STAM: variants seen among roughly 807,000 people sequenced by gnomAD.
STAM encodes signal transducing adaptor molecule.
In STAM, 16 loss-of-function variants were observed where a neutral mutation model predicts 63.4. That is an observed-to-expected ratio of 0.25 (90% confidence interval 0.17 to 0.38). The LOEUF (loss-of-function observed/expected upper bound fraction) is 0.38. STAM is among the 10% of genes least tolerant of loss of function. STAM has a pLI of 1.00. For synonymous variants in STAM, 238 were observed against 223.9 expected, an observed-to-expected ratio of 1.06 and a Z score of -0.56; for missense variants, 636 against 657.1, an observed-to-expected ratio of 0.97 and a Z score of 0.35.
intron 1 of STAM, among the ~76,000 whole-genome samples, chr10:17,658,028 C>T (rs936007849): frequency 6.6e-6 from 1 of 151,900 alleles, no homozygotes; most frequent in Non-Finnish European, 1.5e-5. Context: ...ATTTAATTTG[C>T]TCTTCTAGTT....
At chr10:17,677,873 G>T (rs11254721) in intron 2 of STAM, among the ~76,000 whole-genome samples, 6 of 151,934 alleles carry the variant, frequency 3.9e-5, no homozygotes, top group East Asian at 3.9e-4. Context: ...GGATTTTTTT[G>T]TATTTATTAC....
At chr10:17,685,023 T>C in intron 4 of STAM, 96 bp downstream of exon 4, 3 of 966,586 alleles carry the variant, frequency 3.1e-6, no homozygotes, top group Non-Finnish European at 4.6e-6. Context: ...CTGTGCTTTT[T>C]AAGAAATCCT....
At chr10:17,684,980 A>G (rs1835236513) in intron 4 of STAM, 53 bp downstream of exon 4, 1 of 1,449,228 alleles carries the variant, frequency 6.9e-7, no homozygotes, top group South Asian at 1.2e-5. Flanking sequence ...TTCTTCACAT[A>G]TTTTATTGTT....
chr10:17,689,093 A>G (rs1835422566), intron 5 of STAM, among the ~76,000 whole-genome samples: 1 of 152,218 alleles, frequency 6.6e-6, no homozygotes, highest in Non-Finnish European at 1.5e-5. Context: ...CCTTGTGCCA[A>G]AAAAATTCAG....
chr10:17,649,083 G>A (rs905288015), intron 1 of STAM, among the ~76,000 whole-genome samples: 7 of 152,152 alleles, frequency 4.6e-5, no homozygotes, highest in South Asian at 4.1e-4. Flanking sequence ...TTTCTGAGAC[G>A]CTTTACCTAA....
chr10:17,666,388 T>A (rs1258828310), intron 2 of STAM, among the ~76,000 whole-genome samples: 1 of 42,784 alleles, frequency 2.3e-5, no homozygotes, highest in African/African-American at 7.6e-5. Context: ...TGGCTTTGTA[T>A]TTTTTTTTTT....
intron 11 of STAM, 103 bp downstream of exon 11, chr10:17,705,127 G>A (rs1589109088): frequency 3.3e-6 from 3 of 913,042 alleles, no homozygotes; most frequent in Non-Finnish European, 3.5e-6. Context: ...AAATATTGTG[G>A]AGGAACCAAC....
intron 5 of STAM, among the ~76,000 whole-genome samples, chr10:17,691,259 C>A (rs1055096004): frequency 1.2e-4 from 19 of 152,296 alleles, no homozygotes; most frequent in African/African-American, 4.6e-4. Context: ...TGGCTCACGC[C>A]TGTAATCCTA....
intron 1 of STAM, among the ~76,000 whole-genome samples, chr10:17,644,902 G>T (rs782286567): frequency 5.3e-5 from 8 of 152,162 alleles, no homozygotes; most frequent in Non-Finnish European, 1.2e-4. Flanking sequence ...TGTTAGGAGC[G>T]ATGAAGATGA....
chr10:17,657,789 G>A (rs1040581124), intron 1 of STAM, among the ~76,000 whole-genome samples: 2 of 151,172 alleles, frequency 1.3e-5, no homozygotes, highest in African/African-American at 2.4e-5. Context: ...TAATGTCCAT[G>A]GGGTTTGTAG....
At chr10:17,664,191 A>T (rs1395459267) in intron 2 of STAM, among the ~76,000 whole-genome samples, 1 of 152,138 alleles carries the variant, frequency 6.6e-6, no homozygotes, top group Non-Finnish European at 1.5e-5. Flanking sequence ...ACTTAGTAAT[A>T]GAAAATTTTA....
At chr10:17,648,217 A>T (rs1249075106) in intron 1 of STAM, among the ~76,000 whole-genome samples, 1 of 152,200 alleles carries the variant, frequency 6.6e-6, no homozygotes, top group Non-Finnish European at 1.5e-5. Flanking sequence ...TTTCGGTCTT[A>T]CAAGGGGATT....
intron 2 of STAM, among the ~76,000 whole-genome samples, chr10:17,665,699 G>A (rs1194318272): frequency 6.6e-6 from 1 of 151,722 alleles, no homozygotes; most frequent in African/African-American, 2.4e-5. Flanking sequence ...ATGAAAATTA[G>A]TAATTTTTAG....
In STAM at chr10:17,691,986, A is replaced by G. The variant is rs557102526; in HGVS notation, c.445-1236A>G. 3.9e-5 allele frequency among the ~76,000 whole-genome samples: 6 copies of G among 152,282 alleles called. No homozygotes were observed. The South Asian group carries it at 1.2e-3, about 32-fold the overall frequency. The stretch of plus-strand genomic sequence containing the variant: ...ACATACGTTATAAGCCCCGGAGGTA[A>G]TGTTACATACTTTTTGTTTTAAACC... On this transcript the variant is annotated intron_variant, in intron 5 of 13. Transcript: ENST00000377524.
rs890658996 is a variant in STAM, at chr10:17,647,390, A to C, written c.40+3011A>C. Among the ~76,000 whole-genome samples the C allele has an allele frequency of 3.3e-5, 5 of 152,194 alleles. No individual in the cohort carries two copies. The East Asian group carries it at 9.6e-4, about 29-fold the overall frequency. ...TTATTCATGGGATTTCAGGACACCA[A>C]ACTTTTTCTCATTTTCTACTTAGCT... is the stretch of plus-strand genomic sequence containing the variant. On this transcript the variant is annotated intron_variant, in intron 1 of 13. Transcript: ENST00000377524.
chr10:17,710,186 G>A (rs534151478), intron 13 of STAM, among the ~76,000 whole-genome samples: 1 of 152,060 alleles, frequency 6.6e-6, no homozygotes, highest in South Asian at 2.1e-4. Flanking sequence ...GTTTGACTAT[G>A]TCACATGCTG....
Position 17,654,359 on chromosome 10 carries a change from A to T in STAM, c.41-6105A>T, listed in dbSNP as rs191263248. Among the ~76,000 whole-genome samples the T allele has an allele frequency of 9.1e-3, 1,380 of 152,048 alleles. 21 individuals are homozygous for T. Among genetic ancestry groups the T allele is most frequent in the African/African-American group, 0.032 (1,314 of 41,462 alleles). On this transcript the variant is annotated intron_variant, in intron 1 of 13. Transcript: ENST00000377524. ...TGCCTCAGCCTCCCAGGTAGCTGGG[A>T]CTACATGCGCCCACCACCAAGCCTG...
chr10:17,689,724 TA>T (rs1554826535), intron 5 of STAM, among the ~76,000 whole-genome samples: 2 of 152,172 alleles, frequency 1.3e-5, no homozygotes, highest in Admixed American at 1.3e-4. Context: ...GCAAGCCCAC[TA>T]AATATCTAGA....
chr10:17,708,686 T>G, intron 12 of STAM, 90 bp from the exon 13 acceptor site: 1 of 1,311,776 alleles, frequency 7.6e-7, no homozygotes, highest in South Asian at 2.3e-5. Context: ...TGATTTTTCT[T>G]GTTTTTGTAA....
Sources: gnomAD v4.1 joint callset for allele counts (sites outside exome capture counted in the v4.1 genomes callset) on GRCh38, gnomAD v4.1.1 for gene constraint, MANE v1.5 for transcripts, NCBI Gene and HGNC (gene_info 2026-07-23, HGNC 2026-07-21) for gene names.